The following DAB1 variants were observed in gnomAD, a reference collection of about 807,000 sequenced individuals.
DAB1 encodes the protein disabled homolog 1.
A neutral mutation model predicts 64.6 loss-of-function variants in DAB1; 15 were observed. The ratio of observed to expected loss-of-function variants is 0.23; its 90% CI spans 0.16 to 0.36. DAB1 has a LOEUF of 0.36. Ranked by LOEUF, DAB1 falls within the 10% of genes least tolerant of loss-of-function variation. The probability of loss-of-function intolerance (pLI) is 1.00; values close to 1 mark genes in which losing one functional copy is unlikely to be tolerated. For missense variants in DAB1, 596 were observed against 706.7 expected (o/e 0.84, Z 1.78); for synonymous variants, 235 against 251.9 (o/e 0.93, Z 0.64).
At chr1:57,283,109 C>T (rs1375919911) in intron 2 of DAB1, among the ~76,000 whole-genome samples, 3 of 152,192 alleles carry the variant, frequency 2.0e-5, no homozygotes, top group Non-Finnish European at 2.9e-5. Context: ...TTGACCTCTG[C>T]AAACATTATT....
chr1:57,258,867 G>A (rs143176323), intron 2 of DAB1, among the ~76,000 whole-genome samples: 5 of 152,138 alleles, frequency 3.3e-5, no homozygotes, highest in African/African-American at 1.2e-4. Flanking sequence ...GCTTGGTGAG[G>A]AGGGTGAGTT....
chr1:57,401,062 C>T (rs1054854701), intron 1 of DAB1, among the ~76,000 whole-genome samples: 7 of 150,476 alleles, frequency 4.7e-5, no homozygotes, highest in Middle Eastern at 3.5e-3. Flanking sequence ...ATTAGTAGCA[C>T]AGCACGGTCC....
intron 3 of DAB1, among the ~76,000 whole-genome samples, chr1:58,379,808 A>C (rs1224471710): frequency 6.6e-6 from 1 of 152,226 alleles, no homozygotes; most frequent in Non-Finnish European, 1.5e-5. Flanking sequence ...AAGTTAAGGT[A>C]TGCAGGTGAG....
intron 5 of DAB1, among the ~76,000 whole-genome samples, chr1:58,070,484 G>A (rs1649166804): frequency 6.6e-6 from 1 of 152,222 alleles, no homozygotes; most frequent in South Asian, 2.1e-4. Flanking sequence ...TGGGGCAGGA[G>A]CGGGGCAAGA....
At chr1:58,366,869 C>T (rs1644222662) in intron 3 of DAB1, among the ~76,000 whole-genome samples, 1 of 152,216 alleles carries the variant, frequency 6.6e-6, no homozygotes. Context: ...ATTAACCCTT[C>T]TGGGGAACCA....
intron 7 of DAB1, among the ~76,000 whole-genome samples, chr1:57,553,430 G>GA (rs1335438640): frequency 1.1e-4 from 2 of 17,774 alleles, no homozygotes. Context: ...AAGAAAGAAA[G>GA]AAAGAAAGAA....
chr1:58,281,368 C>T (rs1322741971), intron 4 of DAB1, among the ~76,000 whole-genome samples: 3 of 151,976 alleles, frequency 2.0e-5, no homozygotes, highest in Non-Finnish European at 4.4e-5. Flanking sequence ...CTACCTTCAG[C>T]CTTCCCATCC....
At chr1:57,950,691 C>T (rs571474084) in intron 5 of DAB1, among the ~76,000 whole-genome samples, 7 of 152,174 alleles carry the variant, frequency 4.6e-5, no homozygotes, top group Non-Finnish European at 7.3e-5. Flanking sequence ...CTGGAATACC[C>T]TCTCTGTCAT....
At chr1:57,661,692 C>T (rs986808228) in intron 6 of DAB1, among the ~76,000 whole-genome samples, 3 of 152,162 alleles carry the variant, frequency 2.0e-5, no homozygotes, top group African/African-American at 4.8e-5. Context: ...TCCTCCCATA[C>T]ACTTTAAATA....
chr1:58,045,362 G>A (rs982603849), intron 5 of DAB1, among the ~76,000 whole-genome samples: 14 of 152,102 alleles, frequency 9.2e-5, no homozygotes, highest in African/African-American at 2.7e-4. Flanking sequence ...CCAGGGGGAC[G>A]GTCTGCAGCT....
chr1:58,353,805 C>A (rs1644081694), intron 3 of DAB1, among the ~76,000 whole-genome samples: 1 of 136,994 alleles, frequency 7.3e-6, no homozygotes, highest in Admixed American at 7.9e-5. Context: ...ATCACAAGAA[C>A]TTTTCTTGTT....
intron 4 of DAB1, among the ~76,000 whole-genome samples, chr1:57,079,360 G>GTA (rs1218884178): frequency 6.6e-6 from 1 of 151,936 alleles, no homozygotes; most frequent in East Asian, 1.9e-4. Context: ...CACCTTCCAA[G>GTA]TACCTTTTGC....
chr1:57,062,062 A>T (rs939489335), intron 9 of DAB1, among the ~76,000 whole-genome samples: 1 of 152,156 alleles, frequency 6.6e-6, no homozygotes, highest in African/African-American at 2.4e-5. Context: ...TTATGTATAG[A>T]GGTTGCCTTC....
Position 57,792,799 on chromosome 1 carries a change from C to G in DAB1, n.551+91200G>C, listed in dbSNP as rs534673565. On this transcript the variant is annotated intron_variant and non_coding_transcript_variant, in intron 6 of 20. Transcript: ENST00000485760. ...CCTTTTATTTATGTACCCCATAGGGCCTTGCATGTAACAGGAGCTCAATAC... is the reference window on the plus strand; with the variant it reads ...CCTTTTATTTATGTACCCCATAGGGGCTTGCATGTAACAGGAGCTCAATAC... 1.7e-3 allele frequency among the ~76,000 whole-genome samples: 255 copies of G among 152,256 alleles called. 1 individual carries two copies. Among genetic ancestry groups the G allele is most frequent in the African/African-American group, 5.9e-3 (244 of 41,548 alleles).
intron 4 of DAB1, among the ~76,000 whole-genome samples, chr1:58,274,727 G>T (rs536546592): frequency 7.7e-4 from 118 of 152,280 alleles, no homozygotes; most frequent in African/African-American, 2.7e-3. Context: ...TTTTTAAGCC[G>T]GTCTGAAAAG....
intron 1 of DAB1, chr1:58,533,851 A>C (rs1185574637): frequency 1.3e-6 from 1 of 743,884 alleles, no homozygotes; most frequent in Non-Finnish European, 2.4e-6. Context: ...CTAAAAGTCT[A>C]TCATTTTTAA....
chr1:58,427,243 G>C (rs1341163090), intron 3 of DAB1, among the ~76,000 whole-genome samples: 1 of 152,206 alleles, frequency 6.6e-6, no homozygotes, highest in Middle Eastern at 3.4e-3. Context: ...GGAGGGGAAA[G>C]GTGGGGTACC....
chr1:58,034,246 GA>G (rs1557619172), intron 5 of DAB1, among the ~76,000 whole-genome samples: 1 of 152,170 alleles, frequency 6.6e-6, no homozygotes, highest in Non-Finnish European at 1.5e-5. Flanking sequence ...TTGTGCTAAA[GA>G]ACTGAGGGAA....
chr1:57,216,160 A>C (rs979633366), intron 2 of DAB1, among the ~76,000 whole-genome samples: 1 of 151,942 alleles, frequency 6.6e-6, no homozygotes, highest in Non-Finnish European at 1.5e-5. Context: ...AAAATCTAGT[A>C]TGTGGACTTA....
Sources: gnomAD v4.1 joint callset for allele counts (sites outside exome capture counted in the v4.1 genomes callset) on GRCh38, gnomAD v4.1.1 for gene constraint, MANE v1.5 for transcripts, NCBI Gene and HGNC (gene_info 2026-07-23, HGNC 2026-07-21) for gene names.